Variants in HK1 observed in about 807,000 individuals in gnomAD.
The protein encoded by HK1 is hexokinase 1.
In HK1, 28 loss-of-function variants were observed where a neutral mutation model predicts 91.6. That is an observed-to-expected ratio of 0.31 (90% CI 0.23 to 0.42). The LOEUF is 0.42. Ranked by LOEUF, HK1 falls within the 10% of genes least tolerant of loss-of-function variation. The pLI, the probability that HK1 is intolerant of heterozygous loss-of-function variation, is 1.00. For synonymous variants in HK1, 430 were observed against 468.1 expected (o/e 0.92, Z 1.05); for missense variants, 770 against 1,219.8 (o/e 0.63, Z 5.49).
At chr10:69,303,537 G>A (rs1040291006) in intron 5 of HK1, among the ~76,000 whole-genome samples, 2 of 152,140 alleles carry the variant, frequency 1.3e-5, no homozygotes, top group African/African-American at 4.8e-5. Flanking sequence ...GGTCAGCAGT[G>A]ACCGGCCTGT....
In HK1 at chr10:69,292,536, A is replaced by C. The variant is rs567182616; in HGVS notation, c.-114-3097A>C. The stretch of plus-strand genomic sequence containing the variant: ...GGAACTTCAGTCTCCTTCCTTATAG[A>C]GTGGGATTGCCCCTTGTGCTCTGTC... On this transcript the variant is annotated intron_variant, in intron 3 of 21. Coordinates refer to the HK1 transcript ENST00000360289. 2.0e-5 allele frequency among the ~76,000 whole-genome samples: 3 copies of C among 152,124 alleles called. No homozygotes were observed. In the East Asian group the frequency reaches 5.8e-4, roughly 29 times the overall value.
chr10:69,274,589 CA>C lies in HK1; in HGVS notation c.-391+4495del, dbSNP rs749051012. 1.8e-3 allele frequency among the ~76,000 whole-genome samples: 200 copies of C among 111,196 alleles called. 1 individual carries two copies. The South Asian group carries it at 0.032, about 18-fold the overall frequency. 72.9% of individuals were successfully genotyped at this position (111,196 alleles called of 152,430 possible). ...TGGGTGACAGAGCAAAACTCTGTCT[CA>C]AAAAAAAAAAAAACAGTTTCAAATA... On this transcript the variant is annotated intron_variant, in intron 1 of 21. Transcript: ENST00000360289.
At chr10:69,276,667 ATTAATATC>A (rs976292052) in intron 1 of HK1, among the ~76,000 whole-genome samples, 14 of 151,724 alleles carry the variant, frequency 9.2e-5, no homozygotes, top group Non-Finnish European at 1.8e-4. Context: ...TTAAAAAAAA[ATTAATATC>A]TTAATTTTAA....
intron 15 of HK1, among the ~76,000 whole-genome samples, chr10:69,393,054 T>C (rs747572623): frequency 2.0e-5 from 3 of 152,246 alleles, no homozygotes; most frequent in Non-Finnish European, 4.4e-5. Context: ...TGATCTCGGC[T>C]CACCACAACC....
Position 69,354,961 on chromosome 10 carries a change from C to T in HK1, c.227-4936C>T, listed in dbSNP as rs184962904. Reference sequence around the variant, plus strand: ...GTGGACACCTGTAATCCTAGGTACTCGGGAGGCTGAGGCAGGAGAATCACT... The same window carrying T: ...GTGGACACCTGTAATCCTAGGTACTTGGGAGGCTGAGGCAGGAGAATCACT... On this transcript the variant is annotated intron_variant, in intron 2 of 17. Coordinates refer to ENST00000359426, the MANE Select transcript of HK1 (RefSeq NM_000188.3). Among the ~76,000 whole-genome samples, 83 of 148,920 alleles carry T rather than the reference C, an allele frequency of 5.6e-4. 1 individual carries two copies. In the Middle Eastern group the frequency reaches 0.014, roughly 26 times the overall value.
In HK1 at chr10:69,295,692, A is replaced by AT. The variant is rs111682217; in HGVS notation, c.-67+23dup. 5,243 of 1,444,570 alleles carry AT rather than the reference A, an allele frequency of 3.6e-3. 8 individuals are homozygous for AT. The highest frequency in any genetic ancestry group is 0.015 in the African/African-American group (1,062 of 70,672). The allele number at this position is 1,444,570 out of a possible 1,614,324, so 89.5% of individuals were successfully genotyped here. A position where few individuals can be genotyped will look rare whatever the true frequency, so the allele number is the denominator to read the frequency against. ...TTGCTGAAAGTGAGGTAAGAAAGCT[A>AT]TTTTTTTTTTTATTTCCTTCTGTAA... is the stretch of plus-strand genomic sequence containing the variant. On this transcript the variant is annotated intron_variant, in intron 4 of 21. Transcript: ENST00000360289.
chr10:69,276,090 C>CAAAAAAA lies in HK1; in HGVS notation c.-391+6005_-391+6011dup, dbSNP rs60324656. On this transcript the variant is annotated intron_variant, in intron 1 of 21. Coordinates refer to the HK1 transcript ENST00000360289. ...GGGCAGCAAGAGCAAAACTCCTTTT[C>CAAAAAAA]AAAAAAAAAAAAAAAAAAAAAAAAA... 8.6e-3 allele frequency among the ~76,000 whole-genome samples: 137 copies of CAAAAAAA among 15,928 alleles called. 23 individuals carry two copies. Among genetic ancestry groups the CAAAAAAA allele is most frequent in the Admixed American group, 0.011 (8 of 702 alleles). 10.4% of individuals were successfully genotyped at this position (15,928 alleles called of 152,430 possible). A position where few individuals can be genotyped will look rare whatever the true frequency, so the allele number is the denominator to read the frequency against.
At chr10:69,400,026 A>G (rs12243312) in intron 17 of HK1, among the ~76,000 whole-genome samples, 8,498 of 152,266 alleles carry the variant, frequency 0.056, 700 homozygotes, top group African/African-American at 0.18. Flanking sequence ...GGAGTGGTTT[A>G]GAGCTAGGCT....
At chr10:69,388,786 T>C (rs1362719130) in intron 13 of HK1, among the ~76,000 whole-genome samples, 1 of 152,244 alleles carries the variant, frequency 6.6e-6, no homozygotes, top group Non-Finnish European at 1.5e-5. Context: ...TATCCTTGTA[T>C]GTGTGCGTTT....
chr10:69,401,176 C>T lies in HK1; in HGVS notation c.*41C>T. 6.3e-7 allele frequency: 1 copy of T among 1,597,200 alleles called. No individual in the cohort carries two copies. The highest frequency in any genetic ancestry group is 1.7e-5 in the Admixed American group (1 of 57,854). On this transcript the variant is annotated 3_prime_UTR_variant, in exon 18 of 18. Transcript: ENST00000359426. The stretch of plus-strand genomic sequence containing the variant: ...AGCCTACTGCCTCTCCAGCACTTCT[C>T]TCTTCAAGCGGCGACCCCCTACCCT...
intron 1 of HK1, chr10:69,338,221 G>A (rs1450112295): frequency 2.3e-5 from 25 of 1,110,194 alleles, no homozygotes; most frequent in Non-Finnish European, 2.3e-5. Flanking sequence ...CCCGCCCTGT[G>A]CAGCCGGTCT....
chr10:69,349,028 C>G (rs1486010996), intron 2 of HK1, among the ~76,000 whole-genome samples: 1 of 152,208 alleles, frequency 6.6e-6, no homozygotes, highest in South Asian at 2.1e-4. Context: ...TTCTCTTGAG[C>G]GGTTCTCCCA....
chr10:69,310,277 C>T (rs762155388), intron 5 of HK1, among the ~76,000 whole-genome samples: 11 of 151,458 alleles, frequency 7.3e-5, no homozygotes, highest in Non-Finnish European at 1.2e-4. Flanking sequence ...AAAAATTAGC[C>T]GGGTGTGGTG....
At chr10:69,319,201 T>A in intron 1 of HK1, 191 bp downstream of exon 1, 8 of 684,904 alleles carry the variant, frequency 1.2e-5, no homozygotes, top group African/African-American at 1.8e-5. Flanking sequence ...TGTGTGTGCG[T>A]TTTTGGGAGG....
chr10:69,356,869 C>G (rs111685570), intron 2 of HK1, among the ~76,000 whole-genome samples: 1 of 115,404 alleles, frequency 8.7e-6, no homozygotes, highest in African/African-American at 3.8e-5. Flanking sequence ...GGCAACAGAG[C>G]GAAACTCCAT....
intron 10 of HK1, among the ~76,000 whole-genome samples, chr10:69,383,199 T>C (rs1348160977): frequency 1.3e-5 from 2 of 152,130 alleles, no homozygotes; most frequent in Non-Finnish European, 2.9e-5. Context: ...AAAAAAGAAG[T>C]GTTCTTAAAA....
At chr10:69,318,047 G>C (rs1471435884), upstream of HK1, 1 of 985,318 alleles carries the variant, frequency 1.0e-6, no homozygotes, top group African/African-American at 1.7e-5. Flanking sequence ...CCAGAGGATG[G>C]GGACAGGCCA....
intron 8 of HK1, among the ~76,000 whole-genome samples, chr10:69,378,633 T>G (rs1229760754): frequency 6.6e-6 from 1 of 152,196 alleles, no homozygotes; most frequent in Non-Finnish European, 1.5e-5. Flanking sequence ...TTGGCCAGGC[T>G]GGTCTCAAAC....
At chr10:69,385,715 A>G (rs1839601274) in intron 12 of HK1, among the ~76,000 whole-genome samples, 1 of 152,206 alleles carries the variant, frequency 6.6e-6, no homozygotes, top group African/African-American at 2.4e-5. Context: ...TCTGTAAACC[A>G]GTTAATCCAG....
Sources: gnomAD v4.1 joint callset for allele counts (sites outside exome capture counted in the v4.1 genomes callset) on GRCh38, gnomAD v4.1.1 for gene constraint, MANE v1.5 for transcripts, NCBI Gene and HGNC (gene_info 2026-07-23, HGNC 2026-07-21) for gene names.